The following CFAP61 variants were observed in gnomAD, a reference collection of about 807,000 sequenced individuals.
CFAP61 encodes the protein cilia- and flagella-associated protein 61.
In CFAP61, 107 loss-of-function variants were observed where a neutral mutation model predicts 135.6. The observed-to-expected ratio is 0.79, with a 90% CI of 0.67 to 0.93. The LOEUF is 0.93. CFAP61 is among the 40% of genes least tolerant of loss of function. The pLI, the probability that CFAP61 is intolerant of heterozygous loss-of-function variation, is 0.00. For missense variants in CFAP61, 1,507 were observed against 1,556.2 expected, an observed-to-expected ratio of 0.97 and a Z score of 0.53; for synonymous variants, 575 against 578.5, an observed-to-expected ratio of 0.99 and a Z score of 0.09.
chr20:20,210,282 C>A (rs1219662960), intron 17 of CFAP61, among the ~76,000 whole-genome samples: 1 of 152,196 alleles, frequency 6.6e-6, no homozygotes, highest in Non-Finnish European at 1.5e-5. Flanking sequence ...CTCCTTCTTC[C>A]CCTCTGGCTT....
intron 12 of CFAP61, among the ~76,000 whole-genome samples, chr20:20,169,114 A>C (rs2273125): frequency 0.9 from 136,909 of 152,202 alleles, 62,399 homozygotes; most frequent in Middle Eastern, 0.99. Flanking sequence ...TTCAGTGAGA[A>C]ACAAAGATAC....
intron 15 of CFAP61, among the ~76,000 whole-genome samples, chr20:20,195,822 G>C (rs916432862): frequency 8.5e-5 from 13 of 152,284 alleles, no homozygotes; most frequent in African/African-American, 3.1e-4. Context: ...GCTCACACCT[G>C]TAATTCCATC....
intron 13 of CFAP61, among the ~76,000 whole-genome samples, chr20:20,176,383 A>G (rs1336727048): frequency 1.4e-5 from 2 of 141,628 alleles, no homozygotes; most frequent in Non-Finnish European, 3.1e-5. Context: ...AAATCATTCT[A>G]TTTTACATGC....
chr20:20,298,130 A>G, intron 24 of CFAP61, 51 bp from the exon 25 acceptor site: 1 of 1,332,748 alleles, frequency 7.5e-7, no homozygotes, highest in Non-Finnish European at 1.1e-6. Flanking sequence ...AAGTTCCCAA[A>G]ATCCAGGAAT....
intron 18 of CFAP61, among the ~76,000 whole-genome samples, chr20:20,236,287 G>A (rs1228098906): frequency 6.6e-6 from 1 of 152,168 alleles, no homozygotes; most frequent in Non-Finnish European, 1.5e-5. Context: ...TCAGGAATAT[G>A]TACAGTATTT....
intron 21 of CFAP61, among the ~76,000 whole-genome samples, chr20:20,266,194 C>T (rs933603811): frequency 2.0e-5 from 3 of 152,254 alleles, no homozygotes; most frequent in Admixed American, 6.5e-5. Context: ...CAAATCACTT[C>T]AGTCACCTTG....
chr20:20,096,829 A>G (rs2047612714), intron 7 of CFAP61, among the ~76,000 whole-genome samples: 1 of 152,252 alleles, frequency 6.6e-6, no homozygotes, highest in African/African-American at 2.4e-5. Flanking sequence ...TGGGAAAAAA[A>G]TTAAAATGTT....
intron 3 of CFAP61, among the ~76,000 whole-genome samples, chr20:20,072,206 C>T (rs2045768940): frequency 6.8e-6 from 1 of 147,006 alleles, no homozygotes; most frequent in East Asian, 2.0e-4. Context: ...GCTCTGCCTC[C>T]CAGATTCATG....
At chr20:20,231,802 G>C (rs965585120) in intron 18 of CFAP61, among the ~76,000 whole-genome samples, 1 of 152,212 alleles carries the variant, frequency 6.6e-6, no homozygotes, top group Non-Finnish European at 1.5e-5. Context: ...TTGTACTATG[G>C]GGTAGAGGGC....
intron 17 of CFAP61, among the ~76,000 whole-genome samples, chr20:20,212,331 G>A (rs2047709248): frequency 1.3e-5 from 2 of 151,992 alleles, no homozygotes; most frequent in Non-Finnish European, 2.9e-5. Flanking sequence ...ACACACACCA[G>A]GCATACGTAA....
At chr20:20,184,087 G>A (rs2055321159) in intron 13 of CFAP61, among the ~76,000 whole-genome samples, 1 of 152,210 alleles carries the variant, frequency 6.6e-6, no homozygotes, top group Non-Finnish European at 1.5e-5. Context: ...GGGCACCACT[G>A]TAGGCTACAA....
intron 21 of CFAP61, chr20:20,265,508 A>G (rs892869011): frequency 2.6e-6 from 2 of 779,638 alleles, no homozygotes; most frequent in East Asian, 2.4e-5. Context: ...TGTTTTTTCA[A>G]GATTTAAGAC....
chr20:20,228,246 C>T lies in CFAP61; in HGVS notation c.1933-3C>T. On this transcript the variant is annotated splice_polypyrimidine_tract_variant and splice_region_variant and intron_variant, in intron 17 of 26. Transcript: ENST00000245957. ...CTTCTTTGTCTTCGTATTTTTTTTCCAGATGAGTTATGCTTTAAACCATAC... is the reference window on the plus strand; with the variant it reads ...CTTCTTTGTCTTCGTATTTTTTTTCTAGATGAGTTATGCTTTAAACCATAC... 1.9e-6 allele frequency: 3 copies of T among 1,588,070 alleles called. No individual in the cohort carries two copies. The highest frequency in any genetic ancestry group is 1.1e-5 in the South Asian group (1 of 88,042).
chr20:20,060,983 C>T (rs1323963350), intron 2 of CFAP61, among the ~76,000 whole-genome samples: 1 of 152,214 alleles, frequency 6.6e-6, no homozygotes, highest in Non-Finnish European at 1.5e-5. Flanking sequence ...GCCTGAGATA[C>T]CGTGCAAAAA....
chr20:20,228,709 A>G (rs1189198557), intron 18 of CFAP61: 1 of 185,472 alleles, frequency 5.4e-6, no homozygotes, highest in Non-Finnish European at 1.1e-5. Flanking sequence ...AACAGAGACC[A>G]TATGGCCTTC....
At chr20:20,236,655 C>G (rs1446732963) in intron 18 of CFAP61, among the ~76,000 whole-genome samples, 1 of 152,264 alleles carries the variant, frequency 6.6e-6, no homozygotes, top group South Asian at 2.1e-4. Flanking sequence ...AAGGAAGGCC[C>G]AAGAAAAAAC....
At chr20:20,335,756 C>T (rs1412323910) in intron 25 of CFAP61, among the ~76,000 whole-genome samples, 7 of 152,178 alleles carry the variant, frequency 4.6e-5, no homozygotes, top group Non-Finnish European at 1.5e-5. Context: ...TACTTTGAAA[C>T]TTTCTGTAAT....
chr20:20,157,501 G>C (rs961826728), intron 9 of CFAP61, among the ~76,000 whole-genome samples: 1 of 152,140 alleles, frequency 6.6e-6, no homozygotes, highest in Non-Finnish European at 1.5e-5. Context: ...TTTGACAAAG[G>C]CACATGGCAA....
At chr20:20,258,488 C>G (rs1255906528) in intron 20 of CFAP61, 2 of 152,152 alleles carry the variant, frequency 1.3e-5, no homozygotes, top group African/African-American at 2.4e-5. Flanking sequence ...CTCCGTCACT[C>G]CAGATGCGCA....
Sources: gnomAD v4.1 joint callset for allele counts (sites outside exome capture counted in the v4.1 genomes callset) on GRCh38, gnomAD v4.1.1 for gene constraint, MANE v1.5 for transcripts, NCBI Gene and HGNC (gene_info 2026-07-23, HGNC 2026-07-21) for gene names.